The following ODAD2 variants were observed in gnomAD, a reference collection of about 807,000 sequenced individuals.
ODAD2 encodes outer dynein arm docking complex subunit 2.
In ODAD2, 89 loss-of-function variants were observed where a neutral mutation model predicts 106.8. That is an observed-to-expected ratio of 0.83 (90% CI 0.70 to 0.99). The LOEUF is 0.99. Among genes scored for constraint, ODAD2 ranks in the 50% least tolerant of loss-of-function variants. The pLI is 0.00. For missense variants in ODAD2, 1,168 were observed against 1,238.5 expected (o/e 0.94, Z 0.85); for synonymous variants, 404 against 436.2 (o/e 0.93, Z 0.92).
At chr10:27,899,577 G>C (rs140854078) in intron 17 of ODAD2, among the ~76,000 whole-genome samples, 4 of 152,252 alleles carry the variant, frequency 2.6e-5, no homozygotes, top group Admixed American at 2.6e-4. Context: ...TGAAATTCTC[G>C]CTGTGAGCAT....
chr10:27,914,970 G>T (rs1199169670), intron 16 of ODAD2, among the ~76,000 whole-genome samples: 7 of 151,946 alleles, frequency 4.6e-5, no homozygotes, highest in Non-Finnish European at 1.0e-4. Flanking sequence ...AACAACATAT[G>T]CATGATTGGA....
At chr10:27,849,458 A>T (rs188952183) in intron 19 of ODAD2, among the ~76,000 whole-genome samples, 4 of 152,246 alleles carry the variant, frequency 2.6e-5, no homozygotes, top group Non-Finnish European at 4.4e-5. Context: ...GTAAATGACG[A>T]GTTAATGGGT....
In ODAD2 at chr10:27,860,773, G is replaced by A. The variant is rs147564767; in HGVS notation, c.2873C>T (p.Ala958Val). The change falls in exon 19 of 20, where the codon GCC becomes GTC. Residue 958 changes from alanine (A) to valine (V), a missense_variant. Coordinates refer to ENST00000305242, the MANE Select transcript of ODAD2 (RefSeq NM_018076.5). ...AGCCACTGCTTTGTGCTCACCGAAG[G>A]CCACTCTATTCCTGCCCCACATACA... ...RCCMWGRNRV[A>V]FGEHKAVAPL... The A allele has an allele frequency of 1.1e-5, 17 of 1,613,990 alleles. No homozygotes were observed. In the African/African-American group the frequency reaches 1.7e-4, roughly 16 times the overall value.
At chr10:27,875,320 G>A (rs577101822) in intron 17 of ODAD2, among the ~76,000 whole-genome samples, 1 of 152,192 alleles carries the variant, frequency 6.6e-6, no homozygotes, top group South Asian at 2.1e-4. Flanking sequence ...TTAGCTTGGA[G>A]AAGTTTGATC....
In ODAD2 at chr10:27,987,399, T is replaced by G. The variant is rs1443347578; in HGVS notation, c.369A>C (p.Gln123His). Residue 123 changes from glutamine (Q) to histidine (H), a missense_variant, in exon 3 of 20, where the codon CAA (glutamine) becomes CAC (histidine). Coordinates refer to ENST00000305242, the MANE Select transcript of ODAD2 (RefSeq NM_018076.5). ...IAKTGKLKEA[Q>H]ACVEANRDPI... The stretch of plus-strand genomic sequence containing the variant: ...CATTAAGATCACCTTCAACACATGC[T>G]TGGGCTTCCTTCAACTTCCCAGTTT... 1 of 1,613,372 alleles carries G rather than the reference T, an allele frequency of 6.2e-7. No homozygotes were observed. Among genetic ancestry groups the G allele is most frequent in the African/African-American group, 1.3e-5 (1 of 74,890 alleles).
At chr10:27,922,572 T>C (rs1844872735) in intron 16 of ODAD2, among the ~76,000 whole-genome samples, 2 of 151,734 alleles carry the variant, frequency 1.3e-5, no homozygotes, top group African/African-American at 4.8e-5. Flanking sequence ...ATACAGGCAA[T>C]AGATGAGAAT....
intron 10 of ODAD2, among the ~76,000 whole-genome samples, chr10:27,960,165 A>G (rs1316707309): frequency 6.6e-6 from 1 of 152,028 alleles, no homozygotes; most frequent in Non-Finnish European, 1.5e-5. Context: ...CAAACAGTCC[A>G]GACTAAAAAC....
intron 19 of ODAD2, among the ~76,000 whole-genome samples, chr10:27,818,085 C>T (rs1293006443): frequency 1.3e-5 from 2 of 151,530 alleles, no homozygotes; most frequent in East Asian, 3.9e-4. Context: ...TTCCACATCA[C>T]TACCAAATAA....
chr10:27,897,262 T>C (rs1034295851), intron 17 of ODAD2, among the ~76,000 whole-genome samples: 3 of 152,072 alleles, frequency 2.0e-5, no homozygotes, highest in African/African-American at 7.2e-5. Context: ...CACTACCTCC[T>C]AAAGGCTAAT....
At chr10:27,926,720 A>T in intron 16 of ODAD2, among the ~76,000 whole-genome samples, 1 of 152,170 alleles carries the variant, frequency 6.6e-6, no homozygotes, top group East Asian at 1.9e-4. Context: ...ATCCTGAGGT[A>T]TGGAAAAATA....
intron 19 of ODAD2, among the ~76,000 whole-genome samples, chr10:27,834,081 T>C (rs1837681007): frequency 6.6e-6 from 1 of 152,194 alleles, no homozygotes; most frequent in African/African-American, 2.4e-5. Flanking sequence ...GACATCCCGG[T>C]GTGTCACTGA....
Position 27,935,093 on chromosome 10 carries a change from G to A in ODAD2, c.2412C>T (p.Asn804=). Residue 804 remains asparagine (N), a synonymous_variant, in exon 16 of 20, where the codon AAC becomes AAT. Transcript: ENST00000305242. ...GAGCTTGGTTTATTCCAACAAGGAG[G>A]TTCACAAGTGGTTGAATGCCACCAC... ...RKCGGIQPLV[N]LLVGINQALL... The A allele has an allele frequency of 6.2e-7, 1 of 1,613,918 alleles. No individual in the cohort carries two copies. The highest frequency in any genetic ancestry group is 8.5e-7 in the Non-Finnish European group (1 of 1,179,890).
intron 17 of ODAD2, among the ~76,000 whole-genome samples, chr10:27,897,361 G>A (rs1842925538): frequency 6.6e-6 from 1 of 152,102 alleles, no homozygotes; most frequent in African/African-American, 2.4e-5. Flanking sequence ...CCTGGAGGAA[G>A]GCAACTCCAT....
chr10:27,979,062 T>C (rs2133073578), intron 7 of ODAD2, among the ~76,000 whole-genome samples: 1 of 151,806 alleles, frequency 6.6e-6, no homozygotes. Flanking sequence ...ATCTAAAAAT[T>C]CGCAGAGCAT....
At chr10:27,974,949 T>C (rs1184018965) in intron 7 of ODAD2, among the ~76,000 whole-genome samples, 4 of 152,190 alleles carry the variant, frequency 2.6e-5, no homozygotes, top group Non-Finnish European at 5.9e-5. Flanking sequence ...GTAGAGATCT[T>C]TCACCTTTCT....
intron 17 of ODAD2, among the ~76,000 whole-genome samples, chr10:27,885,686 A>G: frequency 1.6e-5 from 1 of 63,646 alleles, no homozygotes; most frequent in Non-Finnish European, 2.8e-5. Context: ...TATATAATAT[A>G]TAATATATAA....
chr10:27,983,913 A>G lies in ODAD2; in HGVS notation c.749T>C (p.Val250Ala), dbSNP rs2133124025. The G allele has an allele frequency of 6.2e-7, 1 of 1,608,588 alleles. No homozygotes were observed. Among genetic ancestry groups the G allele is most frequent in the Non-Finnish European group, 8.5e-7 (1 of 1,178,812 alleles). ...WRQIRGEICY[V>A]LVKPHDGETL... ...CTCACCATCGTGAGGTTTCACCAGC[A>G]CATAACAAATTTCCCCACGAATTTG... The change falls in exon 6 of 20, where the codon GTG (valine) becomes GCG (alanine). Residue 250 changes from valine (V) to alanine (A), a missense_variant. By Grantham distance (64) the Val-to-Ala change is moderately conservative. Transcript: ENST00000305242.
chr10:27,914,686 G>T (rs1232058135), intron 16 of ODAD2, among the ~76,000 whole-genome samples: 1 of 147,080 alleles, frequency 6.8e-6, no homozygotes, highest in Non-Finnish European at 1.5e-5. Flanking sequence ...ATGTATGTGT[G>T]TGTATATATA....
In ODAD2 at chr10:27,924,012, A is replaced by AAGAAAGAAAGAAAGAAAGAG. The variant is rs1590035500; in HGVS notation, c.2495+10997_2495+10998insCTCTTTCTTTCTTTCTTTCT. Among the ~76,000 whole-genome samples the AAGAAAGAAAGAAAGAAAGAG allele has an allele frequency of 4.4e-5, 5 of 113,282 alleles. No homozygotes were observed. In the East Asian group the frequency reaches 1.5e-3, roughly 33 times the overall value. 74.3% of individuals were successfully genotyped at this position (113,282 alleles called of 152,430 possible). ...AAAGAAAGAAAGAAAGAAAGAAAGA[A>AAGAAAGAAAGAAAGAAAGAG]AGAAAGAAAGAAGGAAAGAGAAAGA... On this transcript the variant is annotated intron_variant, in intron 16 of 19. Coordinates refer to ENST00000305242, the MANE Select transcript of ODAD2 (RefSeq NM_018076.5).
Sources: gnomAD v4.1 joint callset for allele counts (sites outside exome capture counted in the v4.1 genomes callset) on GRCh38, gnomAD v4.1.1 for gene constraint, MANE v1.5 for transcripts, NCBI Gene and HGNC (gene_info 2026-07-23, HGNC 2026-07-21) for gene names.